Variants in DGKB observed in about 807,000 individuals in gnomAD.
DGKB encodes diacylglycerol kinase beta, also known as 90 kDa diacylglycerol kinase.
In DGKB, 67 loss-of-function variants were observed where a neutral mutation model predicts 114.3. The observed-to-expected ratio is 0.59, with a 90% confidence interval of 0.48 to 0.72. The LOEUF is 0.72. Ranked by LOEUF, DGKB falls within the 30% of genes least tolerant of loss-of-function variation. The pLI, the probability that DGKB is intolerant of heterozygous loss-of-function variation, is 0.00. For synonymous variants in DGKB, 398 were observed against 323.1 expected, an observed-to-expected ratio of 1.23 and a Z score of -2.49; for missense variants, 907 against 975.2, an observed-to-expected ratio of 0.93 and a Z score of 0.93.
chr7:14,896,617 G>A (rs549190361), intron 1 of DGKB, among the ~76,000 whole-genome samples: 10 of 151,640 alleles, frequency 6.6e-5, no homozygotes, highest in African/African-American at 2.2e-4. Flanking sequence ...TTTATTATGT[G>A]TATTCTGTTT....
At chr7:14,772,559 T>G (rs1837574998) in intron 2 of DGKB, among the ~76,000 whole-genome samples, 1 of 152,164 alleles carries the variant, frequency 6.6e-6, no homozygotes, top group African/African-American at 2.4e-5. Context: ...GCATGCATAT[T>G]TGATGAAAAT....
intron 21 of DGKB, among the ~76,000 whole-genome samples, chr7:14,426,414 GA>G (rs1352694384): frequency 2.0e-5 from 3 of 152,144 alleles, no homozygotes; most frequent in East Asian, 1.9e-4. Flanking sequence ...TACCAAGGGG[GA>G]TCAGCAAATG....
At chr7:14,792,926 A>T (rs1840882685) in intron 2 of DGKB, among the ~76,000 whole-genome samples, 1 of 152,114 alleles carries the variant, frequency 6.6e-6, no homozygotes, top group Non-Finnish European at 1.5e-5. Context: ...ATACAGATTA[A>T]CTCTATAAAA....
intron 21 of DGKB, among the ~76,000 whole-genome samples, chr7:14,473,922 T>C (rs1781792579): frequency 6.6e-6 from 1 of 152,228 alleles, no homozygotes; most frequent in Non-Finnish European, 1.5e-5. Flanking sequence ...AGGAAGTAAC[T>C]AACTTGCTTT....
intron 16 of DGKB, 82 bp downstream of exon 16, chr7:14,613,258 T>G: frequency 3.9e-6 from 3 of 765,124 alleles, no homozygotes; most frequent in Non-Finnish European, 6.4e-6. Context: ...GAATAATTGT[T>G]TTTAAGCATT....
chr7:14,683,883 A>G (rs1473855230), intron 10 of DGKB, among the ~76,000 whole-genome samples: 1 of 152,016 alleles, frequency 6.6e-6, no homozygotes, highest in Non-Finnish European at 1.5e-5. Flanking sequence ...CACCACACTA[A>G]TCAGTAAAAA....
At chr7:14,883,176 CCTT>C (rs1186111489) in intron 1 of DGKB, among the ~76,000 whole-genome samples, 3 of 151,894 alleles carry the variant, frequency 2.0e-5, no homozygotes, top group African/African-American at 7.2e-5. Context: ...TTCTCCTCCT[CCTT>C]TGTTGTCTTT....
intron 20 of DGKB, among the ~76,000 whole-genome samples, chr7:14,525,406 G>A (rs973257636): frequency 1.3e-5 from 2 of 152,078 alleles, no homozygotes; most frequent in African/African-American, 4.8e-5. Context: ...AGACTTTTCT[G>A]GAAACAAGAA....
intron 23 of DGKB, among the ~76,000 whole-genome samples, chr7:14,250,644 GTT>G (rs1244049282): frequency 6.6e-6 from 1 of 152,052 alleles, no homozygotes; most frequent in Non-Finnish European, 1.5e-5. Context: ...TTCTTTATAT[GTT>G]TCTTGTGTTC....
chr7:14,566,356 G>C (rs1287166780), intron 20 of DGKB, among the ~76,000 whole-genome samples: 1 of 152,092 alleles, frequency 6.6e-6, no homozygotes, highest in Non-Finnish European at 1.5e-5. Flanking sequence ...GTTTACACAA[G>C]GCAGAGTTTA....
chr7:14,397,459 A>G (rs11761226), intron 21 of DGKB, among the ~76,000 whole-genome samples: 148,278 of 152,200 alleles, frequency 0.97, 72,331 homozygotes, highest in Non-Finnish European at 1. Context: ...GTGGAAAGTG[A>G]GTTCTTTTCT....
At chr7:14,595,058 T>G (rs1292212939) in intron 17 of DGKB, among the ~76,000 whole-genome samples, 1 of 151,946 alleles carries the variant, frequency 6.6e-6, no homozygotes, top group Non-Finnish European at 1.5e-5. Flanking sequence ...TTGAGGGCAG[T>G]TAATGTGGAC....
At chr7:14,648,187 G>C (rs1027527028) in intron 13 of DGKB, among the ~76,000 whole-genome samples, 4 of 152,202 alleles carry the variant, frequency 2.6e-5, no homozygotes, top group African/African-American at 4.8e-5. Context: ...CCACCTCTGG[G>C]GGCAAGGCAC....
chr7:14,598,874 A>G (rs1047066316), intron 17 of DGKB, among the ~76,000 whole-genome samples: 2 of 152,124 alleles, frequency 1.3e-5, no homozygotes, highest in South Asian at 2.1e-4. Flanking sequence ...TGATTTGTCA[A>G]TATCTCCACA....
At chr7:14,394,972 T>C (rs1821999856) in intron 21 of DGKB, among the ~76,000 whole-genome samples, 1 of 152,090 alleles carries the variant, frequency 6.6e-6, no homozygotes, top group Non-Finnish European at 1.5e-5. Context: ...TGCCAGGAGA[T>C]AGTAATGAAC....
intron 20 of DGKB, among the ~76,000 whole-genome samples, chr7:14,510,273 C>G (rs1254186363): frequency 6.6e-6 from 1 of 152,166 alleles, no homozygotes; most frequent in African/African-American, 2.4e-5. Flanking sequence ...GGAGATCTTT[C>G]AAAACTGGGG....
At chr7:14,389,960 T>TCAAC (rs1199447556) in intron 21 of DGKB, among the ~76,000 whole-genome samples, 1 of 152,158 alleles carries the variant, frequency 6.6e-6, no homozygotes, top group Non-Finnish European at 1.5e-5. Context: ...GGCATCCCAT[T>TCAAC]CAACCCCCTT....
At chr7:14,566,102 A>C (rs1202720561) in intron 20 of DGKB, among the ~76,000 whole-genome samples, 1 of 152,176 alleles carries the variant, frequency 6.6e-6, no homozygotes, top group Non-Finnish European at 1.5e-5. Context: ...ATAATTGGAA[A>C]GTATAATTTT....
At chr7:14,776,760 G>A (rs113967999) in intron 2 of DGKB, among the ~76,000 whole-genome samples, 7,485 of 152,300 alleles carry the variant, frequency 0.049, 571 homozygotes, top group African/African-American at 0.17. Flanking sequence ...GTGGAGAAGG[G>A]AAAAGTGGGG....
Sources: gnomAD v4.1 joint callset for allele counts (sites outside exome capture counted in the v4.1 genomes callset) on GRCh38, gnomAD v4.1.1 for gene constraint, MANE v1.5 for transcripts, NCBI Gene and HGNC (gene_info 2026-07-23, HGNC 2026-07-21) for gene names.